BCKDHB: variants seen among roughly 807,000 people sequenced by gnomAD.
BCKDHB encodes branched chain keto acid dehydrogenase E1 subunit beta.
A neutral mutation model predicts 48.5 loss-of-function variants in BCKDHB; 41 were observed. That is an observed-to-expected ratio of 0.85 (90% CI 0.66 to 1.10). The LOEUF is 1.10. Ranked by LOEUF, BCKDHB falls within the 50% of genes least tolerant of loss-of-function variation. BCKDHB has a pLI of 0.00. For synonymous variants in BCKDHB, 201 were observed against 174.8 expected, an observed-to-expected ratio of 1.15 and a Z score of -1.18; for missense variants, 496 against 494.2, an observed-to-expected ratio of 1.00 and a Z score of -0.03.
chr6:80,198,264 C>A (rs1774224355), intron 6 of BCKDHB, among the ~76,000 whole-genome samples: 1 of 152,096 alleles, frequency 6.6e-6, no homozygotes, highest in South Asian at 2.1e-4. Context: ...ATAGTTAGCC[C>A]ACCCCTCATT....
the BCKDHB span, among the ~76,000 whole-genome samples, chr6:80,431,301 T>A: frequency 6.6e-6 from 1 of 152,174 alleles, no homozygotes. Context: ...ATTCTGTTGA[T>A]TTGGGGTGGA....
the BCKDHB span, among the ~76,000 whole-genome samples, chr6:80,415,612 G>A: frequency 6.6e-6 from 1 of 152,210 alleles, no homozygotes; most frequent in South Asian, 2.1e-4. Context: ...TGCATCCCAG[G>A]GATAAAGCCT....
At chr6:80,429,058 A>T in the BCKDHB span, among the ~76,000 whole-genome samples, 5 of 152,174 alleles carry the variant, frequency 3.3e-5, no homozygotes, top group African/African-American at 4.8e-5. Flanking sequence ...ATAAGGTGTA[A>T]GGGAGGGGTC....
At chr6:80,153,253 C>T (rs868530415) in intron 3 of BCKDHB, among the ~76,000 whole-genome samples, 2 of 152,040 alleles carry the variant, frequency 1.3e-5, no homozygotes, top group Non-Finnish European at 1.5e-5. Flanking sequence ...TCCTTGGTGC[C>T]CATTCATGGT....
At chr6:80,377,364 A>T in the BCKDHB span, among the ~76,000 whole-genome samples, 3 of 152,074 alleles carry the variant, frequency 2.0e-5, no homozygotes, top group Admixed American at 2.0e-4. Flanking sequence ...AGTCCAATTT[A>T]TCTAATTTTT....
chr6:80,282,349 G>C (rs1766371139), intron 9 of BCKDHB, among the ~76,000 whole-genome samples: 1 of 152,124 alleles, frequency 6.6e-6, no homozygotes, highest in South Asian at 2.1e-4. Context: ...ACGTTTCCAG[G>C]ATATCATATT....
intron 8 of BCKDHB, among the ~76,000 whole-genome samples, chr6:80,246,197 A>G (rs959728178): frequency 6.6e-6 from 1 of 152,230 alleles, no homozygotes; most frequent in Non-Finnish European, 1.5e-5. Flanking sequence ...AAAATTGTAA[A>G]TTGTTAAGCA....
Position 80,343,990 on chromosome 6 carries a change from ATTTACATTTTTG to A in BCKDHB, c.*189_*200del. 1 of 668,062 alleles carries A rather than the reference ATTTACATTTTTG, an allele frequency of 1.5e-6. No homozygotes were observed. The allele number at this position is 668,062 out of a possible 1,614,324, so 41.4% of individuals were successfully genotyped here. A position where few individuals can be genotyped will look rare whatever the true frequency, so the allele number is the denominator to read the frequency against. ...AAAAAATTCAAATTTATAGTAGTATATTTACATTTTTGTTGTTGTTGTTGTTCTGAGATGGAG... is the reference window on the plus strand; with the variant it reads ...AAAAAATTCAAATTTATAGTAGTATATTGTTGTTGTTGTTCTGAGATGGAG... On this transcript the variant is annotated 3_prime_UTR_variant, in exon 10 of 10. Coordinates refer to ENST00000320393, the MANE Select transcript of BCKDHB (RefSeq NM_183050.4).
intron 8 of BCKDHB, among the ~76,000 whole-genome samples, chr6:80,213,285 T>C (rs889804009): frequency 6.6e-6 from 1 of 152,226 alleles, no homozygotes. Flanking sequence ...CTTTTCTTAA[T>C]GGTTGTCTAT....
chr6:80,457,527 G>C, the BCKDHB span, among the ~76,000 whole-genome samples: 2 of 152,320 alleles, frequency 1.3e-5, no homozygotes, highest in African/African-American at 4.8e-5. Context: ...TGAGTGTTCA[G>C]AGCACATTTT....
At chr6:80,276,517 C>T (rs1012536621) in intron 9 of BCKDHB, among the ~76,000 whole-genome samples, 4 of 151,680 alleles carry the variant, frequency 2.6e-5, no homozygotes, top group Non-Finnish European at 4.4e-5. Flanking sequence ...GTGGTATTGG[C>T]ATTACTATTT....
the BCKDHB span, among the ~76,000 whole-genome samples, chr6:80,363,294 T>C: frequency 1.3e-5 from 2 of 152,210 alleles, no homozygotes; most frequent in African/African-American, 2.4e-5. Context: ...ATTCTTTTCA[T>C]TGATGAGAAT....
At chr6:80,243,041 G>A (rs557151300) in intron 8 of BCKDHB, among the ~76,000 whole-genome samples, 1 of 152,242 alleles carries the variant, frequency 6.6e-6, no homozygotes, top group South Asian at 2.1e-4. Flanking sequence ...CAGGCATAGA[G>A]CATCAGGACT....
chr6:80,330,588 AC>A (rs2128008684), intron 9 of BCKDHB, among the ~76,000 whole-genome samples: 1 of 152,304 alleles, frequency 6.6e-6, no homozygotes, highest in Admixed American at 6.5e-5. Context: ...TGATACTCGA[AC>A]CAGTGAAGAC....
At chr6:80,406,331 G>A in the BCKDHB span, among the ~76,000 whole-genome samples, 1 of 152,132 alleles carries the variant, frequency 6.6e-6, no homozygotes, top group South Asian at 2.1e-4. Context: ...AATCCTTTGG[G>A]TATATACCCA....
intron 6 of BCKDHB, among the ~76,000 whole-genome samples, chr6:80,184,889 T>C (rs1312781349): frequency 6.6e-6 from 1 of 152,236 alleles, no homozygotes; most frequent in Non-Finnish European, 1.5e-5. Context: ...GTCTTGACTT[T>C]AGATAACTTG....
the BCKDHB span, among the ~76,000 whole-genome samples, chr6:80,453,946 T>C: frequency 1.3e-5 from 2 of 152,204 alleles, no homozygotes; most frequent in African/African-American, 4.8e-5. Flanking sequence ...GCTGCCTTGT[T>C]TTTCCACAAG....
intron 8 of BCKDHB, among the ~76,000 whole-genome samples, chr6:80,214,544 A>G (rs1775080947): frequency 6.6e-6 from 1 of 152,216 alleles, no homozygotes; most frequent in South Asian, 2.1e-4. Flanking sequence ...TGAGTTAATG[A>G]AATCAAGAAC....
At chr6:80,252,778 G>T (rs997318911) in intron 8 of BCKDHB, among the ~76,000 whole-genome samples, 3 of 152,070 alleles carry the variant, frequency 2.0e-5, no homozygotes, top group Non-Finnish European at 4.4e-5. Flanking sequence ...GATACTAAAT[G>T]AGTAACATAA....
Sources: gnomAD v4.1 joint callset for allele counts (sites outside exome capture counted in the v4.1 genomes callset) on GRCh38, gnomAD v4.1.1 for gene constraint, MANE v1.5 for transcripts, NCBI Gene and HGNC (gene_info 2026-07-23, HGNC 2026-07-21) for gene names.